SLC35F1: variants seen among roughly 807,000 people sequenced by gnomAD.
The protein encoded by SLC35F1 is solute carrier family 35 member F1, also known as chromosome 6 open reading frame 169.
A neutral mutation model predicts 48.7 loss-of-function variants in SLC35F1; 14 were observed. That is an observed-to-expected ratio of 0.29 (90% CI 0.19 to 0.45). The LOEUF is 0.45. Ranked by LOEUF, SLC35F1 falls within the 20% of genes least tolerant of loss-of-function variation. The pLI, the probability that SLC35F1 is intolerant of heterozygous loss-of-function variation, is 1.00. For missense variants in SLC35F1, 404 were observed against 500.0 expected (o/e 0.81, Z 1.83); for synonymous variants, 190 against 202.2 (o/e 0.94, Z 0.51).
intron 1 of SLC35F1, among the ~76,000 whole-genome samples, chr6:118,038,236 A>G (rs539739904): frequency 2.0e-5 from 3 of 151,922 alleles, no homozygotes; most frequent in African/African-American, 7.3e-5. Flanking sequence ...AAGTGGAAAA[A>G]CCCATAGTCT....
chr6:118,128,999 A>G (rs1450816573), intron 1 of SLC35F1, among the ~76,000 whole-genome samples: 1 of 152,102 alleles, frequency 6.6e-6, no homozygotes, highest in African/African-American at 2.4e-5. Context: ...ATATTTCACT[A>G]GATTGTTATT....
At chr6:118,257,575 A>G (rs1487456495) in intron 3 of SLC35F1, among the ~76,000 whole-genome samples, 2 of 152,174 alleles carry the variant, frequency 1.3e-5, no homozygotes, top group Non-Finnish European at 2.9e-5. Flanking sequence ...TTGACCTACA[A>G]ATGTGGCAGT....
At chr6:118,134,282 T>TA (rs1173385403) in intron 1 of SLC35F1, among the ~76,000 whole-genome samples, 1 of 148,836 alleles carries the variant, frequency 6.7e-6, no homozygotes, top group Non-Finnish European at 1.5e-5. Context: ...GAGAGGAAAG[T>TA]AATTTGGCTG....
intron 1 of SLC35F1, among the ~76,000 whole-genome samples, chr6:118,154,162 AG>A (rs1172361679): frequency 6.6e-6 from 1 of 152,124 alleles, no homozygotes; most frequent in East Asian, 1.9e-4. Context: ...GCTAGAAGCC[AG>A]GCTCTTTCGG....
intron 1 of SLC35F1, among the ~76,000 whole-genome samples, chr6:118,082,969 C>A (rs1474853756): frequency 1.3e-5 from 2 of 152,130 alleles, no homozygotes; most frequent in Admixed American, 6.5e-5. Flanking sequence ...CCACCAGGAC[C>A]ACTGAGGGGA....
At chr6:118,049,202 C>T (rs1772347593) in intron 1 of SLC35F1, among the ~76,000 whole-genome samples, 1 of 152,098 alleles carries the variant, frequency 6.6e-6, no homozygotes, top group Non-Finnish European at 1.5e-5. Flanking sequence ...ACACCTTATA[C>T]AAAAATTAAT....
intron 1 of SLC35F1, among the ~76,000 whole-genome samples, chr6:118,143,171 T>G (rs1429842912): frequency 6.6e-6 from 1 of 152,178 alleles, no homozygotes; most frequent in Non-Finnish European, 1.5e-5. Flanking sequence ...GGGTTTTTAT[T>G]TTAAGAGAAA....
Position 118,236,258 on chromosome 6 carries a change from A to AC in SLC35F1, c.477+623dup, listed in dbSNP as rs1359559468. 2.6e-5 allele frequency among the ~76,000 whole-genome samples: 4 copies of AC among 152,256 alleles called. No individual in the cohort carries two copies. In the South Asian group the frequency reaches 8.3e-4, roughly 32 times the overall value. On this transcript the variant is annotated intron_variant, in intron 3 of 7. Coordinates refer to ENST00000360388, the MANE Select transcript of SLC35F1 (RefSeq NM_001029858.4). The stretch of plus-strand genomic sequence containing the variant: ...CTTTCTCACATGAACACACACACAC[A>AC]CAATTGCAAGTTTACCTTCGCTTTT...
chr6:118,039,101 C>G (rs1470034270), intron 1 of SLC35F1, among the ~76,000 whole-genome samples: 2 of 151,924 alleles, frequency 1.3e-5, no homozygotes, highest in African/African-American at 4.8e-5. Context: ...CTTTATTTTG[C>G]CTTTATTACA....
rs186956065 is a variant in SLC35F1, at chr6:118,072,761, A to G, written c.174-81684A>G. 8.5e-5 allele frequency among the ~76,000 whole-genome samples: 13 copies of G among 152,136 alleles called. No homozygotes were observed. The East Asian group carries it at 1.9e-3, about 23-fold the overall frequency. On this transcript the variant is annotated intron_variant, in intron 1 of 7. Transcript: ENST00000360388. ...TATGTATGTTGAATGTGTTGTGTGGAGGGTTTTTATTTGAGGTGTTTGAGT... is the reference window on the plus strand; with the variant it reads ...TATGTATGTTGAATGTGTTGTGTGGGGGGTTTTTATTTGAGGTGTTTGAGT...
At chr6:118,236,444 A>T (rs1775366838) in intron 3 of SLC35F1, among the ~76,000 whole-genome samples, 1 of 152,188 alleles carries the variant, frequency 6.6e-6, no homozygotes, top group South Asian at 2.1e-4. Context: ...TTCTCATATT[A>T]GATTTAGTTT....
intron 2 of SLC35F1, among the ~76,000 whole-genome samples, chr6:118,228,785 G>T (rs771533169): frequency 4.6e-5 from 7 of 151,986 alleles, no homozygotes; most frequent in Non-Finnish European, 8.8e-5. Context: ...GAGCCAAAAA[G>T]GTGTTTATTC....
At chr6:118,266,434 A>G (rs1775774513) in intron 3 of SLC35F1, among the ~76,000 whole-genome samples, 1 of 152,152 alleles carries the variant, frequency 6.6e-6, no homozygotes, top group South Asian at 2.1e-4. Context: ...ATTTATATTT[A>G]GAGCACTTTT....
At chr6:117,969,017 T>C (rs1275784463) in intron 1 of SLC35F1, among the ~76,000 whole-genome samples, 2 of 152,244 alleles carry the variant, frequency 1.3e-5, no homozygotes, top group African/African-American at 2.4e-5. Flanking sequence ...GCTTATAGCC[T>C]AGAAAATGTT....
At chr6:118,018,538 ATTG>A (rs1562265696) in intron 1 of SLC35F1, among the ~76,000 whole-genome samples, 1 of 151,332 alleles carries the variant, frequency 6.6e-6, no homozygotes, top group Admixed American at 6.6e-5. Flanking sequence ...TATTATTATT[ATTG>A]TTGTTGTTAG....
chr6:117,973,261 G>A (rs922040992), intron 1 of SLC35F1, among the ~76,000 whole-genome samples: 3 of 152,024 alleles, frequency 2.0e-5, no homozygotes, highest in East Asian at 1.9e-4. Context: ...GTTGGATGAC[G>A]GTCCACCCAC....
chr6:117,994,668 C>T (rs1190573034), intron 1 of SLC35F1, among the ~76,000 whole-genome samples: 1 of 152,180 alleles, frequency 6.6e-6, no homozygotes, highest in Non-Finnish European at 1.5e-5. Flanking sequence ...TTCAGTCTGT[C>T]TCCAAAGGTA....
intron 1 of SLC35F1, among the ~76,000 whole-genome samples, chr6:117,941,902 C>G (rs975302808): frequency 6.6e-6 from 1 of 152,098 alleles, no homozygotes; most frequent in Admixed American, 6.6e-5. Flanking sequence ...TGTTGATCAC[C>G]CTGGAGTTAT....
chr6:118,267,143 A>T lies in SLC35F1; in HGVS notation c.626A>T (p.His209Leu), dbSNP rs769749372. 1 of 1,613,990 alleles carries T rather than the reference A, an allele frequency of 6.2e-7. No homozygotes were observed. Among genetic ancestry groups the T allele is most frequent in the African/African-American group, 1.3e-5 (1 of 75,046 alleles). ...GGAGCAGATGTGCTTGTGGGAAGAC[A>T]TCAGGGAGCAGGTGAGTCTTCGGAT... is the stretch of plus-strand genomic sequence containing the variant. ...MVGADVLVGR[H>L]QGAGENKLVG... The change falls in exon 4 of 8, where the codon CAT (histidine) becomes CTT (leucine). Residue 209 changes from histidine to leucine, a missense_variant. By Grantham distance (99) the His-to-Leu change is moderately conservative (BLOSUM62 -3). Transcript: ENST00000360388.
Sources: allele counts gnomAD v4.1 joint callset (sites outside exome capture counted in the v4.1 genomes callset), GRCh38; gene constraint gnomAD v4.1.1; transcripts MANE v1.5; gene names NCBI Gene and HGNC (gene_info 2026-07-23, HGNC 2026-07-21).